The following EYA1 variants were observed in gnomAD, a reference collection of about 807,000 sequenced individuals.
EYA1 encodes protein phosphatase EYA1.
EYA1 carries 16 observed loss-of-function variants against 82.0 expected under a neutral mutation model. The observed-to-expected ratio is 0.20, with a 90% confidence interval of 0.13 to 0.30. The LOEUF (loss-of-function observed/expected upper bound fraction) is 0.30. EYA1 is among the 10% of genes least tolerant of loss of function. The probability of loss-of-function intolerance (pLI) is 1.00; values close to 1 mark genes in which losing one functional copy is unlikely to be tolerated. For synonymous variants in EYA1, 261 were observed against 264.4 expected (o/e 0.99, Z 0.12); for missense variants, 633 against 730.7 (o/e 0.87, Z 1.54).
At chr8:71,466,808 GAA>G (rs1386728743) in intron 2 of EYA1, among the ~76,000 whole-genome samples, 58 of 152,238 alleles carry the variant, frequency 3.8e-4, no homozygotes, top group African/African-American at 1.4e-3. Context: ...GAGAACTCCT[GAA>G]AGTTAGGATC....
chr8:71,235,795 G>A (rs151189420), intron 12 of EYA1, among the ~76,000 whole-genome samples: 118 of 152,208 alleles, frequency 7.8e-4, no homozygotes, highest in African/African-American at 2.8e-3. Context: ...TACTGGATGC[G>A]ATAGCATGTC....
At chr8:71,396,487 T>C (rs1314170123) in intron 2 of EYA1, among the ~76,000 whole-genome samples, 4 of 152,224 alleles carry the variant, frequency 2.6e-5, no homozygotes, top group Non-Finnish European at 4.4e-5. Flanking sequence ...TTCTGGTATG[T>C]TGTGTCTTTG....
At chr8:71,297,747 T>A (rs1819748347) in intron 9 of EYA1, among the ~76,000 whole-genome samples, 1 of 152,134 alleles carries the variant, frequency 6.6e-6, no homozygotes, top group African/African-American at 2.4e-5. Context: ...AAATTTGTCT[T>A]CAGTGTCATT....
chr8:71,254,132 G>T (rs1229140510), intron 11 of EYA1, among the ~76,000 whole-genome samples: 1 of 146,828 alleles, frequency 6.8e-6, no homozygotes, highest in African/African-American at 2.5e-5. Flanking sequence ...TACAGCATAA[G>T]TAAAAACATT....
intron 12 of EYA1, among the ~76,000 whole-genome samples, chr8:71,241,629 A>T (rs186720176): frequency 6.6e-6 from 1 of 152,304 alleles, no homozygotes; most frequent in East Asian, 1.9e-4. Flanking sequence ...GAGACTATTA[A>T]GCTCCTTGAA....
At chr8:71,535,785 T>C in exon 2 of EYA1, 1 of 1,511,618 alleles carries the variant, frequency 6.6e-7, no homozygotes, top group Non-Finnish European at 8.8e-7. Flanking sequence ...ATTGAAGACT[T>C]CTTCTGAATT....
At chr8:71,393,479 T>C (rs1296268522) in intron 2 of EYA1, among the ~76,000 whole-genome samples, 3 of 152,296 alleles carry the variant, frequency 2.0e-5, no homozygotes, top group Admixed American at 6.5e-5. Context: ...CAGTGTGTGA[T>C]GTTCCCCACC....
chr8:71,269,352 A>T (rs765608514), intron 11 of EYA1, among the ~76,000 whole-genome samples: 12 of 152,222 alleles, frequency 7.9e-5, no homozygotes, highest in Non-Finnish European at 1.8e-4. Context: ...AATCACTGAG[A>T]ACAACAGAAA....
chr8:71,450,732 G>A lies in EYA1; in HGVS notation c.33+85012C>T, dbSNP rs116314952. Among the ~76,000 whole-genome samples the A allele has an allele frequency of 2.5e-3, 381 of 152,266 alleles. 3 individuals carry two copies. The highest frequency in any genetic ancestry group is 8.9e-3 in the African/African-American group (371 of 41,564). On this transcript the variant is annotated intron_variant, in intron 2 of 18. Transcript: ENST00000643681. ...ATCTGCAAAGCACAATAAAGCAGGTGCAATAAAATGAGGTATTCCTGTATA... is the reference window on the plus strand; with the variant it reads ...ATCTGCAAAGCACAATAAAGCAGGTACAATAAAATGAGGTATTCCTGTATA...
chr8:71,401,859 T>C (rs1264728044), intron 2 of EYA1, among the ~76,000 whole-genome samples: 1 of 152,184 alleles, frequency 6.6e-6, no homozygotes, highest in Non-Finnish European at 1.5e-5. Context: ...AATTATAGTT[T>C]TTCTCTGTCT....
chr8:71,295,920 A>G (rs1819547336), intron 9 of EYA1, among the ~76,000 whole-genome samples: 1 of 152,180 alleles, frequency 6.6e-6, no homozygotes, highest in Non-Finnish European at 1.5e-5. Context: ...AAAAGTAGGC[A>G]TGAGTTTAAG....
At chr8:71,380,792 C>A (rs1828657060) in intron 2 of EYA1, among the ~76,000 whole-genome samples, 1 of 152,204 alleles carries the variant, frequency 6.6e-6, no homozygotes, top group African/African-American at 2.4e-5. Context: ...GGGGCACAAC[C>A]AGTAATTCAA....
chr8:71,527,231 C>G (rs752302097), intron 2 of EYA1, among the ~76,000 whole-genome samples: 3 of 152,168 alleles, frequency 2.0e-5, no homozygotes, highest in Non-Finnish European at 4.4e-5. Flanking sequence ...GGAACTAGAT[C>G]ACCAAACTGA....
At chr8:71,315,061 T>C (rs574521309) in intron 7 of EYA1, among the ~76,000 whole-genome samples, 1 of 152,320 alleles carries the variant, frequency 6.6e-6, no homozygotes, top group South Asian at 2.1e-4. Flanking sequence ...AGTTTTGATC[T>C]GGGAGAAGAG....
chr8:71,250,446 G>A (rs1185378510), intron 11 of EYA1, among the ~76,000 whole-genome samples: 1 of 152,186 alleles, frequency 6.6e-6, no homozygotes, highest in Non-Finnish European at 1.5e-5. Flanking sequence ...CTTGCTGGCT[G>A]GGCTCCACAG....
At chr8:71,259,308 C>T (rs1224383889) in intron 11 of EYA1, among the ~76,000 whole-genome samples, 2 of 152,096 alleles carry the variant, frequency 1.3e-5, no homozygotes, top group Non-Finnish European at 2.9e-5. Context: ...ACACAGATGC[C>T]AAAGAGCACC....
chr8:71,474,580 C>A (rs1223904028), intron 2 of EYA1, among the ~76,000 whole-genome samples: 1 of 152,168 alleles, frequency 6.6e-6, no homozygotes, highest in Non-Finnish European at 1.5e-5. Context: ...CACAATCTTA[C>A]TAAGCTATTT....
At chr8:71,498,185 T>C (rs958022534) in intron 2 of EYA1, among the ~76,000 whole-genome samples, 1 of 152,196 alleles carries the variant, frequency 6.6e-6, no homozygotes, top group East Asian at 1.9e-4. Flanking sequence ...TCAAAAATGC[T>C]GAGTGTGGAT....
intron 11 of EYA1, among the ~76,000 whole-genome samples, chr8:71,249,898 G>C (rs888128789): frequency 6.6e-6 from 1 of 152,136 alleles, no homozygotes; most frequent in African/African-American, 2.4e-5. Context: ...TTAGAGGAAT[G>C]GCATCCTACC....
Sources: allele counts gnomAD v4.1 joint callset (sites outside exome capture counted in the v4.1 genomes callset), GRCh38; gene constraint gnomAD v4.1.1; transcripts MANE v1.5; gene names NCBI Gene and HGNC (gene_info 2026-07-23, HGNC 2026-07-21).